MAGI2: variants seen among roughly 807,000 people sequenced by gnomAD.
The protein encoded by MAGI2 is membrane associated guanylate kinase, WW and PDZ domain containing 2.
A neutral mutation model predicts 133.3 loss-of-function variants in MAGI2; 35 were observed. The observed-to-expected ratio is 0.26, with a 90% CI of 0.20 to 0.35. The LOEUF is 0.35. Ranked by LOEUF, MAGI2 falls within the 10% of genes least tolerant of loss-of-function variation. The pLI, the probability that MAGI2 is intolerant of heterozygous loss-of-function variation, is 1.00. For missense variants in MAGI2, 1,636 were observed against 1,863.4 expected (o/e 0.88, Z 2.25); for synonymous variants, 729 against 710.6 (o/e 1.03, Z -0.41).
intron 2 of MAGI2, among the ~76,000 whole-genome samples, chr7:78,788,300 T>G (rs1291162621): frequency 6.6e-6 from 1 of 152,210 alleles, no homozygotes; most frequent in Non-Finnish European, 1.5e-5. Context: ...TGTCTGTAAC[T>G]GATGTATTTT....
At chr7:78,505,879 A>C (rs1795042001) in intron 4 of MAGI2, among the ~76,000 whole-genome samples, 1 of 68,564 alleles carries the variant, frequency 1.5e-5, no homozygotes, top group South Asian at 4.0e-4. Context: ...TTTCAGAAGA[A>C]GGTAAGGGAG....
At chr7:78,682,715 C>T (rs1815824278) in intron 2 of MAGI2, among the ~76,000 whole-genome samples, 1 of 152,070 alleles carries the variant, frequency 6.6e-6, no homozygotes, top group African/African-American at 2.4e-5. Context: ...TAGTGGAAGA[C>T]AGTGTGGTGA....
At chr7:79,071,039 G>A (rs1445742576) in intron 1 of MAGI2, among the ~76,000 whole-genome samples, 1 of 152,146 alleles carries the variant, frequency 6.6e-6, no homozygotes, top group Non-Finnish European at 1.5e-5. Flanking sequence ...GGTTTTTGGA[G>A]TTTTCAGCCT....
intron 4 of MAGI2, among the ~76,000 whole-genome samples, chr7:78,515,859 A>G (rs1344391464): frequency 1.3e-5 from 2 of 152,134 alleles, no homozygotes; most frequent in Non-Finnish European, 1.5e-5. Flanking sequence ...AGATCACACC[A>G]TTGGACTCCA....
At chr7:78,355,303 T>C (rs867005638) in intron 7 of MAGI2, among the ~76,000 whole-genome samples, 3 of 152,152 alleles carry the variant, frequency 2.0e-5, no homozygotes, top group Non-Finnish European at 4.4e-5. Context: ...CTGAAGAAAA[T>C]TCCATTTGTG....
chr7:78,957,241 G>C lies in MAGI2; in HGVS notation c.418+49849C>G, dbSNP rs1305244436. On this transcript the variant is annotated intron_variant, in intron 2 of 21. Coordinates refer to ENST00000354212, the MANE Select transcript of MAGI2 (RefSeq NM_012301.4). Reference sequence around the variant, plus strand: ...GATTGCGCCATTGCACTCCAGCCTGGGTGACAGAGTGAGACTCCATCTCAA... The same window carrying C: ...GATTGCGCCATTGCACTCCAGCCTGCGTGACAGAGTGAGACTCCATCTCAA... 2.8e-5 allele frequency among the ~76,000 whole-genome samples: 4 copies of C among 144,834 alleles called. No individual in the cohort carries two copies. The South Asian group carries it at 6.7e-4, about 24-fold the overall frequency.
chr7:79,426,874 A>T lies in MAGI2; in HGVS notation c.301+26146T>A, dbSNP rs534692128. Among the ~76,000 whole-genome samples the T allele has an allele frequency of 1.2e-4, 18 of 152,188 alleles. No homozygotes were observed. The East Asian group carries it at 3.5e-3, about 29-fold the overall frequency. On this transcript the variant is annotated intron_variant, in intron 1 of 21. Transcript: ENST00000354212. ...GCCTTCCTACCTTTGCCCCTATTCAAATGACATAATTGTACTTTTGAAAAT... is the reference window on the plus strand; with the variant it reads ...GCCTTCCTACCTTTGCCCCTATTCATATGACATAATTGTACTTTTGAAAAT...
At chr7:78,891,155 A>C (rs1199071645) in intron 2 of MAGI2, among the ~76,000 whole-genome samples, 2 of 152,212 alleles carry the variant, frequency 1.3e-5, no homozygotes, top group Non-Finnish European at 2.9e-5. Flanking sequence ...CATGACACAT[A>C]CACCCTCCCA....
chr7:78,550,343 T>C (rs935452320), intron 3 of MAGI2, among the ~76,000 whole-genome samples: 1 of 152,164 alleles, frequency 6.6e-6, no homozygotes, highest in Non-Finnish European at 1.5e-5. Flanking sequence ...GCTGATAAAA[T>C]ATTTAATGCT....
intron 2 of MAGI2, among the ~76,000 whole-genome samples, chr7:78,706,340 C>T (rs1030970175): frequency 1.3e-5 from 2 of 151,860 alleles, no homozygotes; most frequent in Non-Finnish European, 2.9e-5. Context: ...TCTCTTGCCA[C>T]CATCATATAA....
At chr7:78,804,606 G>A (rs1330773069) in intron 2 of MAGI2, among the ~76,000 whole-genome samples, 13 of 151,552 alleles carry the variant, frequency 8.6e-5, no homozygotes, top group South Asian at 2.1e-4. Flanking sequence ...AAAATTAGCC[G>A]GGCATGGTGG....
intron 6 of MAGI2, among the ~76,000 whole-genome samples, chr7:78,431,238 G>C (rs771191136): frequency 6.6e-6 from 1 of 152,102 alleles, no homozygotes; most frequent in Non-Finnish European, 1.5e-5. Flanking sequence ...TGAAGGTTCA[G>C]TAATTATTTG....
chr7:79,200,643 A>G (rs1306860870), intron 1 of MAGI2, among the ~76,000 whole-genome samples: 1 of 151,646 alleles, frequency 6.6e-6, no homozygotes, highest in Non-Finnish European at 1.5e-5. Flanking sequence ...CTATTGATAT[A>G]TCTCATTTCA....
At chr7:78,262,282 A>C (rs1217709157) in intron 9 of MAGI2, among the ~76,000 whole-genome samples, 1 of 152,202 alleles carries the variant, frequency 6.6e-6, no homozygotes, top group African/African-American at 2.4e-5. Context: ...CTTCGTTAGA[A>C]GAATCTTTTT....
At chr7:78,707,648 CA>C in intron 2 of MAGI2, among the ~76,000 whole-genome samples, 1 of 152,174 alleles carries the variant, frequency 6.6e-6, no homozygotes, top group East Asian at 1.9e-4. Context: ...CTTAAATGTG[CA>C]AAAACTCTAC....
intron 2 of MAGI2, among the ~76,000 whole-genome samples, chr7:78,809,413 T>C (rs1202314888): frequency 2.0e-5 from 3 of 152,170 alleles, no homozygotes; most frequent in Admixed American, 6.5e-5. Flanking sequence ...AAGTGACTAA[T>C]GGGACAGAGG....
chr7:79,401,472 G>A (rs929166629), intron 1 of MAGI2, among the ~76,000 whole-genome samples: 4 of 152,124 alleles, frequency 2.6e-5, no homozygotes, highest in Admixed American at 6.5e-5. Context: ...TTTCTAACAC[G>A]TTACTGTGCC....
At chr7:78,226,514 G>A (rs562214738) in intron 10 of MAGI2, among the ~76,000 whole-genome samples, 8 of 152,256 alleles carry the variant, frequency 5.3e-5, no homozygotes, top group African/African-American at 1.2e-4. Flanking sequence ...CACTGGCAGC[G>A]AATGAGACCT....
chr7:78,803,924 A>G (rs1788296417), intron 2 of MAGI2, among the ~76,000 whole-genome samples: 1 of 152,248 alleles, frequency 6.6e-6, no homozygotes, highest in Non-Finnish European at 1.5e-5. Context: ...TAAGAAAGCC[A>G]TGCTTAAATC....
Sources: gnomAD v4.1 joint callset for allele counts (sites outside exome capture counted in the v4.1 genomes callset) on GRCh38, gnomAD v4.1.1 for gene constraint, MANE v1.5 for transcripts, NCBI Gene and HGNC (gene_info 2026-07-23, HGNC 2026-07-21) for gene names.